The following SLC35G1 variants were observed in gnomAD, a reference collection of about 807,000 sequenced individuals.
The protein encoded by SLC35G1 is solute carrier family 35 member G1, also known as partner of STIM1.
SLC35G1 carries 10 observed loss-of-function variants against 17.1 expected under a neutral mutation model. That is an observed-to-expected ratio of 0.59 (90% CI 0.36 to 0.99). The LOEUF (loss-of-function observed/expected upper bound fraction) is 0.99, where lower values mean the gene tolerates loss of function less well. SLC35G1 is among the 50% of genes least tolerant of loss of function. The probability of loss-of-function intolerance (pLI) is 0.01; values close to 1 mark genes in which losing one functional copy is unlikely to be tolerated. For missense variants in SLC35G1, 433 were observed against 468.4 expected (o/e 0.92, Z 0.70); for synonymous variants, 185 against 181.1 (o/e 1.02, Z -0.18).
downstream of SLC35G1, chr10:93,903,969 A>G (rs1415100546): frequency 6.6e-6 from 1 of 151,934 alleles, no homozygotes; most frequent in East Asian, 1.9e-4. Context: ...ACCCACTTGT[A>G]CTATCAAGAG....
chr10:93,905,480 T>G (rs549384233), downstream of SLC35G1, among the ~76,000 whole-genome samples: 1 of 152,282 alleles, frequency 6.6e-6, no homozygotes, highest in South Asian at 2.1e-4. Flanking sequence ...TCCACATTGA[T>G]GGATCCACGG....
chr10:93,900,724 A>T, intron 2 of SLC35G1, 28 bp from the exon 3 acceptor site: 1 of 1,497,322 alleles, frequency 6.7e-7, no homozygotes, highest in South Asian at 1.4e-5. Context: ...ATTTCATTTA[A>T]TATGCATTTC....
At chr10:93,903,831 GGTT>G (rs2060413027), downstream of SLC35G1, 2 of 152,162 alleles carry the variant, frequency 1.3e-5, no homozygotes, top group African/African-American at 2.4e-5. Context: ...GCTATATGTT[GGTT>G]GTTATGATTA....
Position 93,900,976 on chromosome 10 carries a change from C to A in SLC35G1, c.584C>A (p.Thr195Asn). Residue 195 changes from threonine (T) to asparagine (N), a missense_variant, in exon 3 of 3, where the codon ACT (threonine) becomes AAT (asparagine). Physicochemically the swap from Thr to Asn is moderately conservative, Grantham distance 65. Transcript: ENST00000427197. ...WDALFTVFTI[T>N]GVILIVRPPF... Reference sequence around the variant, plus strand: ...GCTCTTTTCACCGTGTTCACAATCACTGGAGTGATCCTTATCGTGAGACCA... The same window carrying A: ...GCTCTTTTCACCGTGTTCACAATCAATGGAGTGATCCTTATCGTGAGACCA... 1 of 1,614,082 alleles carries A rather than the reference C, an allele frequency of 6.2e-7. No homozygotes were observed. Among genetic ancestry groups the A allele is most frequent in the Non-Finnish European group, 8.5e-7 (1 of 1,179,978 alleles).
intron 2 of SLC35G1, among the ~76,000 whole-genome samples, chr10:93,900,234 T>C (rs2060370309): frequency 6.6e-6 from 1 of 152,210 alleles, no homozygotes; most frequent in South Asian, 2.1e-4. Context: ...TTTCAAGTTT[T>C]ATAGAAAAAT....
At position 93,901,510 on chromosome 10, in the gene SLC35G1, A is replaced by G. The variant is rs1488659527; in HGVS notation, c.*20A>G. On this transcript the variant is annotated 3_prime_UTR_variant, in exon 3 of 3. Transcript: ENST00000427197. Reference sequence around the variant, plus strand: ...AAATGAAGCATCATTGCTGAAATACATATTTTTTTCAAGTACACCATCACC... The same window carrying G: ...AAATGAAGCATCATTGCTGAAATACGTATTTTTTTCAAGTACACCATCACC... The G allele has an allele frequency of 1.2e-5, 18 of 1,559,598 alleles. No homozygotes were observed. The highest frequency in any genetic ancestry group is 3.7e-5 in the South Asian group (3 of 80,808).
downstream of SLC35G1, among the ~76,000 whole-genome samples, chr10:93,904,948 C>G (rs971798517): frequency 6.6e-6 from 1 of 152,192 alleles, no homozygotes; most frequent in Non-Finnish European, 1.5e-5. Flanking sequence ...AAACTCCATT[C>G]GGCCCCCTCC....
chr10:93,896,850 A>G (rs756265445), intron 1 of SLC35G1, among the ~76,000 whole-genome samples: 2 of 152,176 alleles, frequency 1.3e-5, no homozygotes, highest in African/African-American at 2.4e-5. Flanking sequence ...GAAACAGAGC[A>G]GGGAGATGTT....
At chr10:93,900,024 G>C (rs1227855572) in intron 2 of SLC35G1, among the ~76,000 whole-genome samples, 1 of 152,128 alleles carries the variant, frequency 6.6e-6, no homozygotes, top group African/African-American at 2.4e-5. Context: ...GTCTAGCCCT[G>C]GCACACGTCA....
chr10:93,907,719 G>A (rs1421087931), downstream of SLC35G1: 3 of 152,144 alleles, frequency 2.0e-5, no homozygotes, highest in East Asian at 1.9e-4. Context: ...GCTGAAGGGC[G>A]AGGTGAGAGG....
chr10:93,904,814 A>G (rs11187728), downstream of SLC35G1, among the ~76,000 whole-genome samples: 51,582 of 152,118 alleles, frequency 0.34, 9,713 homozygotes, highest in Middle Eastern at 0.53. Context: ...AACATTAAGT[A>G]TTGAACTGTG....
chr10:93,900,782 A>G lies in SLC35G1; in HGVS notation c.390A>G (p.Arg130=). The change falls in exon 3 of 3, where the codon CGA becomes CGG. Residue 130 remains arginine (R), a synonymous_variant. Coordinates refer to ENST00000427197, the MANE Select transcript of SLC35G1 (RefSeq NM_001134658.3). ...KTGFIGPKGQ[R]IFLILRGVLG... is the part of the protein sequence containing the mutation. ...GGTTTATAGGCCCAAAAGGTCAACG[A>G]ATTTTCCTCATTCTCAGAGGAGTCC... 3 of 1,608,782 alleles carry G rather than the reference A, an allele frequency of 1.9e-6. No homozygotes were observed. Among genetic ancestry groups the G allele is most frequent in the Non-Finnish European group, 2.6e-6 (3 of 1,175,892 alleles).
chr10:93,894,102 A>T lies in SLC35G1; in HGVS notation c.69A>T (p.Ala23=). Residue 23 remains alanine, a synonymous_variant, in exon 1 of 3, where the codon GCA becomes GCT. Coordinates refer to ENST00000427197, the MANE Select transcript of SLC35G1 (RefSeq NM_001134658.3). ...CCGGGCTGCCGCTAACGGACGATGC[A>T]CCCCCGGGCGCCACTGAGGAGCCGG... ...QEPGLPLTDD[A]PPGATEEPAA... The T allele has an allele frequency of 6.7e-7, 1 of 1,488,948 alleles. No individual in the cohort carries two copies. Among genetic ancestry groups the T allele is most frequent in the South Asian group, 1.3e-5 (1 of 79,416 alleles). 92.2% of individuals were successfully genotyped at this position (1,488,948 alleles called of 1,614,324 possible).
rs1356485878 is a variant in SLC35G1 at position 93,901,669 on chromosome 10, A to G, written c.*179A>G. ...TAAGAATAGCTAGTCTGTTTGGTGT[A>G]ACAATTTTTTGGTAGCTTTGGTTTT... On this transcript the variant is annotated 3_prime_UTR_variant, in exon 3 of 3. Coordinates refer to ENST00000427197, the MANE Select transcript of SLC35G1 (RefSeq NM_001134658.3). 7.2e-6 allele frequency: 5 copies of G among 692,734 alleles called. No individual in the cohort carries two copies. In the African/African-American group the frequency reaches 7.5e-5, roughly 10 times the overall value. 42.9% of individuals were successfully genotyped at this position (692,734 alleles called of 1,614,324 possible).
In SLC35G1 at chr10:93,901,631, GTA is replaced by G; in HGVS notation, c.*143_*144del. The G allele has an allele frequency of 3.1e-6, 3 of 959,578 alleles. No individual in the cohort carries two copies. Among genetic ancestry groups the G allele is most frequent in the Non-Finnish European group, 4.3e-6 (3 of 696,430 alleles). The allele number at this position is 959,578 out of a possible 1,614,324, so 59.4% of individuals were successfully genotyped here. A position where few individuals can be genotyped will look rare whatever the true frequency, so the allele number is the denominator to read the frequency against. On this transcript the variant is annotated 3_prime_UTR_variant, in exon 3 of 3. Transcript: ENST00000427197. Reference sequence around the variant, plus strand: ...GCCTAAAGTACCATTTTTGAATATAGTATGTCTTTAGTTAAGAATAGCTAGTC... The same window carrying G: ...GCCTAAAGTACCATTTTTGAATATAGTGTCTTTAGTTAAGAATAGCTAGTC...
Position 93,898,626 on chromosome 10 carries a change from T to C in SLC35G1, c.234T>C (p.Ser78=). 1.2e-6 allele frequency: 2 copies of C among 1,613,654 alleles called. No homozygotes were observed. The highest frequency in any genetic ancestry group is 1.7e-6 in the Non-Finnish European group (2 of 1,179,838). The change falls in exon 2 of 3, where the codon TCT becomes TCC. Residue 78 remains serine (S), a synonymous_variant. Transcript: ENST00000427197. ...PGLGLFYTLL[S]AFLFSVGSLF... ...TTGGCTTGTTTTACACATTATTGTC[T>C]GCCTTCCTTTTCTCAGTGGGCTCTT...
At chr10:93,900,566 TTAAC>T (rs1404174667) in intron 2 of SLC35G1, among the ~76,000 whole-genome samples, 182 bp from the exon 3 acceptor site, 2 of 152,284 alleles carry the variant, frequency 1.3e-5, no homozygotes, top group East Asian at 3.8e-4. Context: ...TTTACTGTCA[TTAAC>T]TATACTTAGA....
chr10:93,894,072 G>C lies in SLC35G1; in HGVS notation c.39G>C (p.Gln13His). The C allele has an allele frequency of 1.3e-6, 2 of 1,483,124 alleles. No homozygotes were observed. The highest frequency in any genetic ancestry group is 1.8e-6 in the Non-Finnish European group (2 of 1,124,948). 91.9% of individuals were successfully genotyped at this position (1,483,124 alleles called of 1,614,324 possible). The change falls in exon 1 of 3, where the codon CAG becomes CAC. Residue 13 changes from glutamine to histidine, a missense_variant. Coordinates refer to ENST00000427197, the MANE Select transcript of SLC35G1 (RefSeq NM_001134658.3). ...PQDSTGVAEL[Q>H]EPGLPLTDDA... ...ACAGCACCGGGGTCGCGGAGCTCCAGGAGCCCGGGCTGCCGCTAACGGACG... is the reference window on the plus strand; with the variant it reads ...ACAGCACCGGGGTCGCGGAGCTCCACGAGCCCGGGCTGCCGCTAACGGACG...
chr10:93,897,760 C>G (rs2060345059), intron 1 of SLC35G1, among the ~76,000 whole-genome samples: 1 of 152,220 alleles, frequency 6.6e-6, no homozygotes, highest in African/African-American at 2.4e-5. Context: ...TTTCCTCGTT[C>G]AGATCGAGCC....
Sources: allele counts gnomAD v4.1 joint callset (sites outside exome capture counted in the v4.1 genomes callset), GRCh38; gene constraint gnomAD v4.1.1; transcripts MANE v1.5; gene names NCBI Gene and HGNC (gene_info 2026-07-23, HGNC 2026-07-21).